ANKMY1: variants seen among roughly 807,000 people sequenced by gnomAD.
ANKMY1 encodes ankyrin repeat and MYND domain containing 1, also known as ankyrin repeat and MYND domain-containing protein 1.
In ANKMY1, 98 loss-of-function variants were observed where a neutral mutation model predicts 102.0. The ratio of observed to expected loss-of-function variants is 0.96; its 90% CI spans 0.82 to 1.14. ANKMY1 has a LOEUF of 1.14. Among genes scored for constraint, ANKMY1 ranks in the 50% most tolerant of loss-of-function variants. ANKMY1 has a pLI of 0.00. For missense variants in ANKMY1, 1,330 were observed against 1,347.6 expected (o/e 0.99, Z 0.20); for synonymous variants, 582 against 559.9 (o/e 1.04, Z -0.56).
At chr2:240,498,607 C>T (rs1045473447) in intron 15 of ANKMY1, among the ~76,000 whole-genome samples, 2 of 151,828 alleles carry the variant, frequency 1.3e-5, no homozygotes, top group Non-Finnish European at 2.9e-5. Flanking sequence ...TGTGGGTGGG[C>T]CTGTGGCTGG....
chr2:240,490,215 T>C (rs1422608259), intron 15 of ANKMY1, among the ~76,000 whole-genome samples: 2 of 152,238 alleles, frequency 1.3e-5, no homozygotes, highest in Non-Finnish European at 2.9e-5. Context: ...GTTTTCAACT[T>C]TTTAAAGAAT....
rs752256796 is a variant in ANKMY1 at position 240,520,517 on chromosome 2, G to A, written c.1849C>T (p.Arg617Trp). The change falls in exon 9 of 18, where the codon CGG becomes TGG. Residue 617 changes from arginine (R) to tryptophan (W), a missense_variant. Physicochemically the swap from Arg to Trp is moderately radical, Grantham distance 101 (BLOSUM62 -3). Coordinates refer to ENST00000401804, the MANE Select transcript of ANKMY1 (RefSeq NM_001282771.3). This position sits in a 1 kb window ranked among gnomAD's most constrained non-coding sequence, Gnocchi z 4.8. The stretch of plus-strand genomic sequence containing the variant: ...CGGCGCAGCAGCAGCTTGATGGTCC[G>A]CCAGCGCTTCCTCCGCCTGAAAAAG... Reference protein sequence around the residue: ...LSMIERRKRWRTIKLLLRRGA... With the variant: ...LSMIERRKRWWTIKLLLRRGA... 1.2e-6 allele frequency: 2 copies of A among 1,612,074 alleles called. No individual in the cohort carries two copies. The highest frequency in any genetic ancestry group is 1.7e-6 in the Non-Finnish European group (2 of 1,179,130).
At chr2:240,535,455 G>A (rs888385134) in intron 4 of ANKMY1, among the ~76,000 whole-genome samples, 1 of 152,174 alleles carries the variant, frequency 6.6e-6, no homozygotes, top group Non-Finnish European at 1.5e-5. Context: ...CTAAAAGGGT[G>A]CCTGGCTCTT....
At chr2:240,528,455 T>TG (rs2084416821) in intron 5 of ANKMY1, among the ~76,000 whole-genome samples, 1 of 152,080 alleles carries the variant, frequency 6.6e-6, no homozygotes, top group Non-Finnish European at 1.5e-5. Flanking sequence ...ACACCACTAC[T>TG]GCCCTGTGCT....
At chr2:240,537,053 AAAG>A (rs1575244979) in intron 4 of ANKMY1, among the ~76,000 whole-genome samples, 1 of 152,134 alleles carries the variant, frequency 6.6e-6, no homozygotes, top group East Asian at 1.9e-4. Context: ...AAAAAGAAAA[AAAG>A]AAGAAAAAGA....
intron 17 of ANKMY1, among the ~76,000 whole-genome samples, chr2:240,480,266 A>C (rs532559187): frequency 6.6e-6 from 1 of 152,166 alleles, no homozygotes; most frequent in Non-Finnish European, 1.5e-5. Context: ...CACAGGCCTA[A>C]GGGGGCAGGG....
chr2:240,496,938 A>T (rs1437946839), intron 15 of ANKMY1, among the ~76,000 whole-genome samples: 1 of 152,236 alleles, frequency 6.6e-6, no homozygotes, highest in Non-Finnish European at 1.5e-5. Flanking sequence ...GGCATAATTT[A>T]TAGTTAATAC....
At chr2:240,552,334 C>G (rs960824781) in intron 4 of ANKMY1, among the ~76,000 whole-genome samples, 1 of 152,070 alleles carries the variant, frequency 6.6e-6, no homozygotes, top group African/African-American at 2.4e-5. Context: ...TCTGTTGACA[C>G]CATTAATATG....
chr2:240,534,375 G>A (rs1018056108), intron 4 of ANKMY1, among the ~76,000 whole-genome samples: 1 of 152,222 alleles, frequency 6.6e-6, no homozygotes, highest in African/African-American at 2.4e-5. Flanking sequence ...GGGAGGCTGA[G>A]GCAGGAGGAA....
At chr2:240,484,127 T>C (rs2075766259) in intron 15 of ANKMY1, among the ~76,000 whole-genome samples, 1 of 152,232 alleles carries the variant, frequency 6.6e-6, no homozygotes, top group Non-Finnish European at 1.5e-5. Context: ...CTATTGTGAA[T>C]AGTGCTGCAA....
intron 9 of ANKMY1, among the ~76,000 whole-genome samples, chr2:240,515,534 CAA>C (rs964943883): frequency 1.4e-5 from 2 of 145,632 alleles, no homozygotes; most frequent in Admixed American, 1.4e-4. Context: ...GACTCAGTCT[CAA>C]AAAAAAAGAA....
intron 15 of ANKMY1, among the ~76,000 whole-genome samples, chr2:240,497,199 G>C (rs1298185178): frequency 6.6e-6 from 1 of 150,558 alleles, no homozygotes; most frequent in East Asian, 1.9e-4. Context: ...CCACCTCCTC[G>C]CCATCTTGGA....
At position 240,529,262 on chromosome 2, in the gene ANKMY1, T is replaced by A. The variant is rs772057532; in HGVS notation, c.728A>T (p.Asp243Val). The A allele has an allele frequency of 3.1e-6, 5 of 1,614,104 alleles. No homozygotes were observed. Among genetic ancestry groups the A allele is most frequent in the South Asian group, 1.1e-5 (1 of 91,080 alleles). The change falls in exon 5 of 18, where the codon GAC becomes GTC. Residue 243 changes from aspartate to valine, a missense_variant. By Grantham distance (152) the Asp-to-Val change is radical. Coordinates refer to ENST00000401804, the MANE Select transcript of ANKMY1 (RefSeq NM_001282771.3). The surrounding 1 kb of genome is among the most constrained non-coding windows in gnomAD (Gnocchi z 4.2). ...GTCATTCAGAAGAAACCGCTTATAG[T>A]CATAGAAAAAGGGATCCTGTCCCTC... ...LQEGQDPFFYDYKRFLLNDNL... is the reference protein window; with the variant it reads ...LQEGQDPFFYVYKRFLLNDNL...
At chr2:240,523,291 C>T (rs2082668629) in intron 8 of ANKMY1, 1 of 153,752 alleles carries the variant, frequency 6.5e-6, no homozygotes, top group Non-Finnish European at 1.4e-5. Flanking sequence ...AGGCCGGGCA[C>T]TGCTGCCCTG....
the ANKMY1 span, among the ~76,000 whole-genome samples, chr2:240,470,002 CCATACACA>C: frequency 6.6e-6 from 1 of 152,186 alleles, no homozygotes; most frequent in South Asian, 2.1e-4. Context: ...GTACACATGC[CCATACACA>C]CATGCACACA....
chr2:240,509,849 G>T (rs1022702877), intron 11 of ANKMY1, among the ~76,000 whole-genome samples: 1 of 151,958 alleles, frequency 6.6e-6, no homozygotes, highest in Non-Finnish European at 1.5e-5. Flanking sequence ...CTCAGTGATC[G>T]TAGAGGACGG....
chr2:240,500,386 C>G, intron 14 of ANKMY1, 66 bp downstream of exon 14: 1 of 1,492,652 alleles, frequency 6.7e-7, no homozygotes, highest in South Asian at 1.2e-5. Context: ...AAGCTAATGC[C>G]CCAGCCGGGG....
At chr2:240,556,274 G>A (rs2092335689) in intron 2 of ANKMY1, among the ~76,000 whole-genome samples, 1 of 152,182 alleles carries the variant, frequency 6.6e-6, no homozygotes, top group South Asian at 2.1e-4. Flanking sequence ...AAAGCCACAA[G>A]AGGCCTCTGA....
chr2:240,509,434 G>A lies in ANKMY1; in HGVS notation c.2308C>T (p.Leu770Phe). 1 of 1,613,242 alleles carries A rather than the reference G, an allele frequency of 6.2e-7. No homozygotes were observed. Among genetic ancestry groups the A allele is most frequent in the Non-Finnish European group, 8.5e-7 (1 of 1,179,610 alleles). ...DNKCARDIVRLLLSHGANPNL... is the reference protein window; with the variant it reads ...DNKCARDIVRFLLSHGANPNL... ...GGATTTGCTCCGTGGGATAGAAGGA[G>A]CCGGACTATGTCCCTGGCACACTGG... The change falls in exon 12 of 18, where the codon CTC becomes TTC. Residue 770 changes from leucine (L) to phenylalanine (F), a missense_variant. Transcript: ENST00000401804.
Sources: allele counts gnomAD v4.1 joint callset (sites outside exome capture counted in the v4.1 genomes callset), GRCh38; gene constraint gnomAD v4.1.1; non-coding constraint Gnocchi (gnomAD v3.1); transcripts MANE v1.5; gene names NCBI Gene and HGNC (gene_info 2026-07-23, HGNC 2026-07-21).